Variants in RIMS2 observed in about 807,000 individuals in gnomAD.
RIMS2 encodes the protein regulating synaptic membrane exocytosis 2.
In RIMS2, 59 loss-of-function variants were observed where a neutral mutation model predicts 174.4. That is an observed-to-expected ratio of 0.34 (90% confidence interval 0.27 to 0.42). RIMS2 has a LOEUF of 0.42. RIMS2 is among the 10% of genes least tolerant of loss of function. The pLI, the probability that RIMS2 is intolerant of heterozygous loss-of-function variation, is 1.00. For missense variants in RIMS2, 1,620 were observed against 1,666.3 expected (o/e 0.97, Z 0.48); for synonymous variants, 606 against 572.5 (o/e 1.06, Z -0.84).
chr8:104,195,885 T>C (rs143225354), intron 19 of RIMS2, among the ~76,000 whole-genome samples: 62 of 152,160 alleles, frequency 4.1e-4, no homozygotes, highest in African/African-American at 1.4e-3. Context: ...ACAGGACAAA[T>C]GTGTATAAAT....
At chr8:103,748,227 A>G (rs1335370451) in intron 2 of RIMS2, among the ~76,000 whole-genome samples, 1 of 152,054 alleles carries the variant, frequency 6.6e-6, no homozygotes, top group Non-Finnish European at 1.5e-5. Context: ...AGATTCCTTG[A>G]GTCTAGGAGT....
intron 1 of RIMS2, among the ~76,000 whole-genome samples, chr8:103,688,503 A>G (rs1160524894): frequency 6.6e-6 from 1 of 152,054 alleles, no homozygotes; most frequent in Non-Finnish European, 1.5e-5. Flanking sequence ...TCAGTTTGCT[A>G]GTATTTGGTT....
intron 3 of RIMS2, chr8:103,880,646 A>C (rs149943236): frequency 3.8e-6 from 2 of 528,364 alleles, no homozygotes; most frequent in Non-Finnish European, 7.0e-6. Flanking sequence ...ATTTTTGTCA[A>C]CATGATGCTT....
At chr8:103,713,071 T>G (rs2097327016) in intron 2 of RIMS2, among the ~76,000 whole-genome samples, 1 of 152,084 alleles carries the variant, frequency 6.6e-6, no homozygotes. Context: ...CAGGCTATAG[T>G]GCAGTGGTGC....
chr8:104,094,725 AC>A, intron 19 of RIMS2: 1 of 680,302 alleles, frequency 1.5e-6, no homozygotes, highest in South Asian at 1.6e-5. Context: ...ACAAGATGAT[AC>A]CAGGTAAAAT....
intron 19 of RIMS2, among the ~76,000 whole-genome samples, chr8:104,037,102 G>A (rs987813511): frequency 2.0e-5 from 3 of 152,062 alleles, no homozygotes; most frequent in African/African-American, 7.2e-5. Context: ...TTTTCAAAAA[G>A]GTTTTGTCAC....
At chr8:103,788,080 G>A (rs2098460827) in intron 3 of RIMS2, among the ~76,000 whole-genome samples, 1 of 150,240 alleles carries the variant, frequency 6.7e-6, no homozygotes. Flanking sequence ...TGAGGCTTCT[G>A]CATTCTTCAC....
chr8:103,762,369 A>G (rs2098121680), intron 2 of RIMS2, among the ~76,000 whole-genome samples: 1 of 152,162 alleles, frequency 6.6e-6, no homozygotes, highest in African/African-American at 2.4e-5. Context: ...GGAGATTTAT[A>G]GGCATATATA....
At chr8:103,887,693 C>G (rs1435836974) in intron 4 of RIMS2, among the ~76,000 whole-genome samples, 2 of 151,484 alleles carry the variant, frequency 1.3e-5, no homozygotes, top group East Asian at 1.9e-4. Flanking sequence ...AAGAAAGGAG[C>G]TAGGTATGAA....
chr8:104,110,321 A>G (rs937554879), intron 19 of RIMS2, among the ~76,000 whole-genome samples: 30 of 152,200 alleles, frequency 2.0e-4, no homozygotes, highest in Non-Finnish European at 1.2e-4. Flanking sequence ...CTGTGACAAG[A>G]AAAGATAAGT....
At chr8:103,918,391 T>G in intron 8 of RIMS2, 50 bp from the exon 12 acceptor site, 1 of 1,186,920 alleles carries the variant, frequency 8.4e-7, no homozygotes, top group Non-Finnish European at 1.2e-6. Context: ...ATGAGTTGCA[T>G]TAATTGTTGA....
chr8:103,699,017 G>A (rs76076340), intron 2 of RIMS2, among the ~76,000 whole-genome samples: 8,204 of 152,216 alleles, frequency 0.054, 315 homozygotes, highest in Non-Finnish European at 0.078. Flanking sequence ...AGTAAGGTTT[G>A]TTTTCTTAAT....
chr8:103,810,573 G>A lies in RIMS2; in HGVS notation c.698+44036G>A, dbSNP rs538141674. The stretch of plus-strand genomic sequence containing the variant: ...ATGTAGATATTTTTTCTTCAGTATT[G>A]AACCTAATGTCCTTTAAAAATTTTT... On this transcript the variant is annotated intron_variant, in intron 3 of 23. Coordinates refer to ENST00000504942, the Ensembl canonical transcript of RIMS2. Among the ~76,000 whole-genome samples the A allele has an allele frequency of 6.8e-5, 10 of 147,234 alleles. No homozygotes were observed. The East Asian group carries it at 2.0e-3, about 29-fold the overall frequency.
rs989710922 is a variant in RIMS2 at position 104,188,853 on chromosome 8, G to A, written c.3335-56063G>A. ...ACATATATTACTTTTAAAATTATACGTCTTTTTCTATTCTGCAAAGAAAGA... is the reference window on the plus strand; with the variant it reads ...ACATATATTACTTTTAAAATTATACATCTTTTTCTATTCTGCAAAGAAAGA... On this transcript the variant is annotated intron_variant, in intron 19 of 23. Transcript: ENST00000504942. Among the ~76,000 whole-genome samples the A allele has an allele frequency of 9.2e-5, 14 of 151,584 alleles. 1 individual carries two copies. In the South Asian group the frequency reaches 1.0e-3, roughly 11 times the overall value.
chr8:103,925,854 AC>A (rs1477942907), intron 10 of RIMS2, among the ~76,000 whole-genome samples: 1 of 151,594 alleles, frequency 6.6e-6, no homozygotes, highest in African/African-American at 2.4e-5. Flanking sequence ...AATTCTGAAC[AC>A]AGTAATTGCC....
chr8:103,584,649 G>C (rs774750268), intron 1 of RIMS2, among the ~76,000 whole-genome samples: 10 of 152,150 alleles, frequency 6.6e-5, no homozygotes. Flanking sequence ...TATGCAAATA[G>C]TGCTAAGTTT....
At chr8:103,947,613 TA>T (rs917958659) in intron 14 of RIMS2, among the ~76,000 whole-genome samples, 2 of 152,096 alleles carry the variant, frequency 1.3e-5, no homozygotes, top group African/African-American at 4.8e-5. Context: ...TATAAAAGAT[TA>T]AAAAATGATA....
At chr8:103,654,432 T>C (rs2096497126) in intron 1 of RIMS2, among the ~76,000 whole-genome samples, 1 of 152,004 alleles carries the variant, frequency 6.6e-6, no homozygotes, top group Non-Finnish European at 1.5e-5. Flanking sequence ...AAATTAATTC[T>C]TGATTAATTG....
intron 19 of RIMS2, among the ~76,000 whole-genome samples, chr8:104,139,204 C>T (rs1470537209): frequency 6.6e-6 from 1 of 152,150 alleles, no homozygotes; most frequent in East Asian, 1.9e-4. Context: ...TAATGTGATT[C>T]CTCCAGTTTT....
Sources: allele counts gnomAD v4.1 joint callset (sites outside exome capture counted in the v4.1 genomes callset), GRCh38; gene constraint gnomAD v4.1.1; transcripts MANE v1.5; gene names NCBI Gene and HGNC (gene_info 2026-07-23, HGNC 2026-07-21).